Variants in NEK10 observed in about 807,000 individuals in gnomAD.
NEK10 encodes serine/threonine-protein kinase Nek10.
A neutral mutation model predicts 159.8 loss-of-function variants in NEK10; 122 were observed. That is an observed-to-expected ratio of 0.76 (90% CI 0.66 to 0.89). NEK10 has a LOEUF of 0.89. Ranked by LOEUF, NEK10 falls within the 40% of genes least tolerant of loss-of-function variation. The pLI is 0.00. For synonymous variants in NEK10, 466 were observed against 457.1 expected, an observed-to-expected ratio of 1.02 and a Z score of -0.25; for missense variants, 1,342 against 1,323.1, an observed-to-expected ratio of 1.01 and a Z score of -0.22.
chr3:27,358,744 G>A (rs540754719), intron 1 of NEK10, among the ~76,000 whole-genome samples: 1 of 152,066 alleles, frequency 6.6e-6, no homozygotes, highest in Non-Finnish European at 1.5e-5. Flanking sequence ...AGATCCTCAG[G>A]TGGCCTCATA....
intron 7 of NEK10, among the ~76,000 whole-genome samples, chr3:27,313,549 T>G: frequency 6.6e-6 from 1 of 152,164 alleles, no homozygotes; most frequent in Non-Finnish European, 1.5e-5. Flanking sequence ...TCCCAGCTAC[T>G]CAGGAGGCTG....
chr3:27,346,075 G>A lies in NEK10; in HGVS notation c.263+11C>T. 6.2e-7 allele frequency: 1 copy of A among 1,613,062 alleles called. No homozygotes were observed. Among genetic ancestry groups the A allele is most frequent in the Non-Finnish European group, 8.5e-7 (1 of 1,179,158 alleles). ...AGTTGCTGAAGACGAAGGAGATGCT[G>A]GATTTCTTACCTAAAATTTTCAAGT... On this transcript the variant is annotated intron_variant, in intron 4 of 35. Transcript: ENST00000691995.
At chr3:27,224,700 T>C (rs531002177) in intron 23 of NEK10, among the ~76,000 whole-genome samples, 2 of 152,350 alleles carry the variant, frequency 1.3e-5, no homozygotes, top group South Asian at 4.1e-4. Context: ...CTGGGATTAC[T>C]ACCTCTCCTC....
At chr3:27,236,476 G>C (rs192870571) in intron 23 of NEK10, among the ~76,000 whole-genome samples, 1 of 152,098 alleles carries the variant, frequency 6.6e-6, no homozygotes, top group South Asian at 2.1e-4. Context: ...TCATATTATC[G>C]GGGGAACCAG....
Position 27,297,251 on chromosome 3 carries a change from A to C in NEK10, c.1169-11T>G. On this transcript the variant is annotated splice_polypyrimidine_tract_variant and intron_variant, in intron 13 of 35. Transcript: ENST00000691995. ...GGGCAGCACAGCAGGCTGGAATGAC[A>C]ACAATCAAATGCATAGTGTGCATCA... is the stretch of plus-strand genomic sequence containing the variant. The C allele has an allele frequency of 6.3e-7, 1 of 1,598,868 alleles. No homozygotes were observed. The highest frequency in any genetic ancestry group is 8.6e-7 in the Non-Finnish European group (1 of 1,166,194).
At chr3:27,218,692 C>T (rs34141895) in intron 23 of NEK10, among the ~76,000 whole-genome samples, 12,687 of 118,128 alleles carry the variant, frequency 0.11, 689 homozygotes, top group African/African-American at 0.17. Flanking sequence ...GCTTAAAATA[C>T]GAAAATCAAT....
Position 27,324,744 on chromosome 3 carries a change from C to T in NEK10, c.363-2483G>A, listed in dbSNP as rs570846344. Among the ~76,000 whole-genome samples, 4 of 152,242 alleles carry T rather than the reference C, an allele frequency of 2.6e-5. No homozygotes were observed. In the East Asian group the frequency reaches 5.8e-4, roughly 22 times the overall value. ...TTCTTTACAAACACAAGTCCATTCA[C>T]GTCACTCCTCAGCCCAAATCCTCCA... On this transcript the variant is annotated intron_variant, in intron 5 of 35. Coordinates refer to ENST00000691995, the MANE Select transcript of NEK10 (RefSeq NM_001394966.1).
rs558544291 is a variant in NEK10, at chr3:27,227,378, A to G, written c.2091-24821T>C. ...CAGGAGCTTGTGGAAGTTCTCTTCC[A>G]TAGCTCCCAGCTTCTCCGCGAAGTA... On this transcript the variant is annotated intron_variant, in intron 23 of 35. Transcript: ENST00000691995. Among the ~76,000 whole-genome samples the G allele has an allele frequency of 3.3e-5, 5 of 152,354 alleles. No individual in the cohort carries two copies. In the South Asian group the frequency reaches 1.0e-3, roughly 32 times the overall value.
intron 30 of NEK10, among the ~76,000 whole-genome samples, chr3:27,154,233 C>T (rs1201527068): frequency 6.6e-6 from 1 of 152,088 alleles, no homozygotes; most frequent in Non-Finnish European, 1.5e-5. Context: ...AAAATACAAC[C>T]TCCTAGCTTA....
intron 10 of NEK10, 26 bp downstream of exon 10, chr3:27,308,899 GA>G: frequency 8.2e-7 from 1 of 1,221,288 alleles, no homozygotes; most frequent in Non-Finnish European, 1.2e-6. Flanking sequence ...AGCAGAACTG[GA>G]AAGTATATTA....
chr3:27,112,289 T>C (rs1939682765), intron 35 of NEK10, among the ~76,000 whole-genome samples: 1 of 152,186 alleles, frequency 6.6e-6, no homozygotes, highest in South Asian at 2.1e-4. Flanking sequence ...CTTAACTAAA[T>C]ATAAACCCTA....
At chr3:27,172,884 G>T (rs965585684) in intron 28 of NEK10, among the ~76,000 whole-genome samples, 2 of 152,072 alleles carry the variant, frequency 1.3e-5, no homozygotes, top group Non-Finnish European at 2.9e-5. Context: ...CTCTGTAAAT[G>T]GTAGGTAGGA....
chr3:27,169,414 G>T (rs927599381), intron 29 of NEK10, among the ~76,000 whole-genome samples: 1 of 152,034 alleles, frequency 6.6e-6, no homozygotes, highest in Admixed American at 6.6e-5. Context: ...TGACTCCTCT[G>T]CACTTTGGCC....
At chr3:27,269,115 T>C (rs1394466925) in intron 22 of NEK10, among the ~76,000 whole-genome samples, 1 of 152,054 alleles carries the variant, frequency 6.6e-6, no homozygotes, top group Non-Finnish European at 1.5e-5. Context: ...GGATGAAGAG[T>C]TGCTTCTTCT....
At chr3:27,202,249 C>G (rs1313731850) in intron 24 of NEK10, among the ~76,000 whole-genome samples, 179 bp downstream of exon 24, 1 of 151,758 alleles carries the variant, frequency 6.6e-6, no homozygotes, top group Non-Finnish European at 1.5e-5. Flanking sequence ...GGGAAATAAG[C>G]CATTACATGA....
chr3:27,180,781 C>T (rs1948011396), intron 26 of NEK10, among the ~76,000 whole-genome samples: 1 of 152,092 alleles, frequency 6.6e-6, no homozygotes, highest in Non-Finnish European at 1.5e-5. Context: ...TTGTCTTTTG[C>T]TTGGCCCACT....
chr3:27,312,034 C>T, intron 8 of NEK10, 65 bp downstream of exon 8: 1 of 1,017,178 alleles, frequency 9.8e-7, no homozygotes, highest in Non-Finnish European at 1.5e-6. Flanking sequence ...TTTCCTGCTG[C>T]AAACACCATA....
intron 29 of NEK10, among the ~76,000 whole-genome samples, chr3:27,164,424 A>G (rs1471692734): frequency 6.6e-6 from 1 of 152,252 alleles, no homozygotes; most frequent in East Asian, 1.9e-4. Flanking sequence ...AGCATCAAAC[A>G]TAATTTTAAG....
rs543549024 is a variant in NEK10, at chr3:27,175,962, T to C, written c.2506-1129A>G. Among the ~76,000 whole-genome samples, 5 of 152,312 alleles carry C rather than the reference T, an allele frequency of 3.3e-5. No individual in the cohort carries two copies. In the South Asian group the frequency reaches 1.0e-3, roughly 32 times the overall value. On this transcript the variant is annotated intron_variant, in intron 26 of 35. Transcript: ENST00000691995. The stretch of plus-strand genomic sequence containing the variant: ...GACAGCCTTATTTATTTCAGATTTA[T>C]GTGTTTTTTATTTTTTTCCTACAGT...
Sources: gnomAD v4.1 joint callset for allele counts (sites outside exome capture counted in the v4.1 genomes callset) on GRCh38, gnomAD v4.1.1 for gene constraint, MANE v1.5 for transcripts, NCBI Gene and HGNC (gene_info 2026-07-23, HGNC 2026-07-21) for gene names.